The following HACD2 variants were observed in gnomAD, a reference collection of about 807,000 sequenced individuals.
HACD2 encodes the protein very-long-chain (3R)-3-hydroxyacyl-CoA dehydratase 2.
Under a neutral mutation model 31.0 loss-of-function variants are expected in HACD2, and 15 were observed. The ratio of observed to expected loss-of-function variants is 0.48; its 90% CI spans 0.32 to 0.75. The LOEUF (loss-of-function observed/expected upper bound fraction) is 0.75. Ranked by LOEUF, HACD2 falls within the 30% of genes least tolerant of loss-of-function variation. The pLI is 0.03. For missense variants in HACD2, 283 were observed against 313.0 expected (o/e 0.90, Z 0.72); for synonymous variants, 115 against 122.2 (o/e 0.94, Z 0.39).
intron 4 of HACD2, among the ~76,000 whole-genome samples, chr3:123,505,947 T>C (rs2055970287): frequency 6.6e-6 from 1 of 152,100 alleles, no homozygotes; most frequent in Non-Finnish European, 1.5e-5. Context: ...CCTGGACATA[T>C]CCAAACCAGG....
intron 5 of HACD2, among the ~76,000 whole-genome samples, chr3:123,501,335 T>C (rs1328298019): frequency 2.0e-5 from 3 of 152,208 alleles, no homozygotes; most frequent in Non-Finnish European, 2.9e-5. Context: ...AATTGTTTTC[T>C]CTTTAAAAAG....
intron 4 of HACD2, among the ~76,000 whole-genome samples, chr3:123,521,073 T>C (rs1295822952): frequency 6.6e-6 from 1 of 152,138 alleles, no homozygotes; most frequent in Non-Finnish European, 1.5e-5. Flanking sequence ...GAAAGTAGCA[T>C]CAATACATAT....
At position 123,525,269 on chromosome 3, in the gene HACD2, A is replaced by T. The variant is rs75438483; in HGVS notation, c.381+3117T>A. Among the ~76,000 whole-genome samples the T allele has an allele frequency of 0.023, 3,567 of 152,304 alleles. 232 individuals carry two copies. In the East Asian group the frequency reaches 0.25, roughly 11 times the overall value. ...TATTTGCTATGTTAGGTCAAGGAAA[A>T]GCATGTGAGCATACGGATCACAATT... On this transcript the variant is annotated intron_variant, in intron 4 of 6. Coordinates refer to ENST00000383657, the MANE Select transcript of HACD2 (RefSeq NM_198402.5).
chr3:123,534,447 C>T (rs1291856935), intron 3 of HACD2, among the ~76,000 whole-genome samples: 1 of 150,584 alleles, frequency 6.6e-6, no homozygotes, highest in African/African-American at 2.4e-5. Context: ...TGCTGCTAGT[C>T]ATATAAAAAT....
rs1396431211 is a variant in HACD2 at position 123,584,809 on chromosome 3, C to A, written c.155+64G>T. The A allele has an allele frequency of 3.1e-6, 4 of 1,310,634 alleles. No homozygotes were observed. The African/African-American group carries it at 4.7e-5, about 15-fold the overall frequency. The allele number at this position is 1,310,634 out of a possible 1,614,324, so 81.2% of individuals were successfully genotyped here. A position where few individuals can be genotyped will look rare whatever the true frequency, so the allele number is the denominator to read the frequency against. On this transcript the variant is annotated intron_variant, in intron 1 of 6. Transcript: ENST00000383657. ...GCCGCGCCGATCCTATCCGCCCCGC[C>A]GCTGGCCGCAGGGCTCCCTCCCCGG... is the stretch of plus-strand genomic sequence containing the variant.
At chr3:123,578,031 C>T (rs1248860330) in intron 2 of HACD2, among the ~76,000 whole-genome samples, 1 of 152,140 alleles carries the variant, frequency 6.6e-6, no homozygotes, top group Non-Finnish European at 1.5e-5. Context: ...CAGTCACACC[C>T]CACTCTCTCT....
intron 3 of HACD2, among the ~76,000 whole-genome samples, chr3:123,557,648 C>G (rs2056686527): frequency 6.6e-6 from 1 of 151,924 alleles, no homozygotes; most frequent in Non-Finnish European, 1.5e-5. Context: ...AAAAAATAAA[C>G]AACAAAAAAC....
At chr3:123,526,283 C>T (rs1401928910) in intron 4 of HACD2, among the ~76,000 whole-genome samples, 2 of 152,222 alleles carry the variant, frequency 1.3e-5, no homozygotes, top group East Asian at 3.8e-4. Context: ...GGATGGAGGG[C>T]ACCTACTGCT....
At chr3:123,557,809 ACT>A (rs1259413515) in intron 3 of HACD2, among the ~76,000 whole-genome samples, 1 of 152,208 alleles carries the variant, frequency 6.6e-6, no homozygotes, top group Admixed American at 6.5e-5. Flanking sequence ...GGAATAAGAA[ACT>A]CTCATTCATT....
At chr3:123,557,009 C>A (rs754005895) in intron 3 of HACD2, among the ~76,000 whole-genome samples, 84 of 152,234 alleles carry the variant, frequency 5.5e-4, no homozygotes, top group Non-Finnish European at 8.1e-4. Context: ...AAAAGACAAG[C>A]CTCAGACCAG....
At chr3:123,579,448 C>T (rs533476661) in intron 2 of HACD2, among the ~76,000 whole-genome samples, 1 of 151,800 alleles carries the variant, frequency 6.6e-6, no homozygotes, top group Admixed American at 6.6e-5. Flanking sequence ...AGGTACCCAC[C>T]ACCCAGCCCA....
At chr3:123,565,618 G>C (rs2107745804) in intron 3 of HACD2, among the ~76,000 whole-genome samples, 1 of 152,226 alleles carries the variant, frequency 6.6e-6, no homozygotes, top group South Asian at 2.1e-4. Context: ...CCCAATTTAT[G>C]GTATTTTGTT....
intron 4 of HACD2, among the ~76,000 whole-genome samples, chr3:123,524,374 G>A (rs919374174): frequency 4.6e-5 from 7 of 152,186 alleles, no homozygotes; most frequent in Admixed American, 4.6e-4. Context: ...GTTTGAGAAA[G>A]AGTCTTAGAA....
At chr3:123,519,638 A>T (rs894023148) in intron 4 of HACD2, among the ~76,000 whole-genome samples, 2 of 152,184 alleles carry the variant, frequency 1.3e-5, no homozygotes, top group Non-Finnish European at 2.9e-5. Flanking sequence ...ATGTATTTTT[A>T]ATTAAACTCT....
At chr3:123,543,749 G>A in intron 3 of HACD2, 1 of 325,762 alleles carries the variant, frequency 3.1e-6, no homozygotes, top group Admixed American at 4.0e-5. Context: ...AGGTCTAAAA[G>A]GAAACACAGA....
At chr3:123,545,034 CAAAAAAAAAAAAA>C (rs71142743) in intron 3 of HACD2, among the ~76,000 whole-genome samples, 3 of 45,214 alleles carry the variant, frequency 6.6e-5, no homozygotes, top group Admixed American at 6.0e-4. Context: ...GACCCTGCCT[CAAAAAAAAAAAAA>C]AAAAAAAAAA....
At chr3:123,544,673 T>A (rs974810619) in intron 3 of HACD2, among the ~76,000 whole-genome samples, 4 of 152,216 alleles carry the variant, frequency 2.6e-5, no homozygotes, top group Non-Finnish European at 5.9e-5. Context: ...TTTTGAAGGT[T>A]TAAATGGAAT....
intron 4 of HACD2, among the ~76,000 whole-genome samples, chr3:123,509,728 T>C (rs938713810): frequency 1.3e-5 from 2 of 152,102 alleles, no homozygotes; most frequent in Admixed American, 6.5e-5. Context: ...CTCGATCTCC[T>C]GACCTCGTGA....
At position 123,500,568 on chromosome 3, in the gene HACD2, A is replaced by G. The variant is rs2055890315; in HGVS notation, c.629T>C (p.Phe210Ser). The change falls in exon 6 of 7, where the codon TTC becomes TCC. Residue 210 changes from phenylalanine (F) to serine (S), a missense_variant. Coordinates refer to ENST00000383657, the MANE Select transcript of HACD2 (RefSeq NM_198402.5). ...YSISLPNKYN[F>S]SFDYYAFLIL... is the part of the protein sequence containing the mutation. ...CAGGAATGCATAGTAGTCAAAAGAG[A>G]AATTGTATTTGTTGGGTAAACTGAT... 6.2e-7 allele frequency: 1 copy of G among 1,611,978 alleles called. No individual in the cohort carries two copies. The highest frequency in any genetic ancestry group is 1.3e-5 in the African/African-American group (1 of 74,900).
Sources: allele counts gnomAD v4.1 joint callset (sites outside exome capture counted in the v4.1 genomes callset), GRCh38; gene constraint gnomAD v4.1.1; transcripts MANE v1.5; gene names NCBI Gene and HGNC (gene_info 2026-07-23, HGNC 2026-07-21).